SUZ12: variants seen among roughly 807,000 people sequenced by gnomAD.
SUZ12 encodes the protein SUZ12 polycomb repressive complex 2 subunit.
A neutral mutation model predicts 87.3 loss-of-function variants in SUZ12; 17 were observed. The observed-to-expected ratio is 0.19, with a 90% CI of 0.13 to 0.29. The LOEUF (loss-of-function observed/expected upper bound fraction) is 0.29. Ranked by LOEUF, SUZ12 falls within the 10% of genes least tolerant of loss-of-function variation. SUZ12 has a pLI of 1.00. For synonymous variants in SUZ12, 253 were observed against 312.4 expected (o/e 0.81, Z 2.01); for missense variants, 526 against 912.2 (o/e 0.58, Z 5.45).
intron 3 of SUZ12, among the ~76,000 whole-genome samples, chr17:31,942,372 G>A (rs1367967772): frequency 1.3e-5 from 2 of 149,262 alleles, no homozygotes; most frequent in Non-Finnish European, 3.0e-5. Flanking sequence ...TTTCACTCTT[G>A]TTGCCCAGGC....
chr17:31,988,756 C>T (rs1313110130), intron 10 of SUZ12, among the ~76,000 whole-genome samples: 2 of 151,786 alleles, frequency 1.3e-5, no homozygotes, highest in Non-Finnish European at 2.9e-5. Context: ...CCACACCTGG[C>T]TAATTTTTTG....
intron 4 of SUZ12, among the ~76,000 whole-genome samples, chr17:31,950,963 G>A (rs1906940933): frequency 6.6e-6 from 1 of 152,010 alleles, no homozygotes; most frequent in Non-Finnish European, 1.5e-5. Flanking sequence ...TGTATTTTTA[G>A]TAGAGACGGG....
intron 11 of SUZ12, 142 bp from the exon 12 acceptor site, chr17:31,993,723 C>G (rs1409801866): frequency 5.7e-6 from 5 of 884,738 alleles, no homozygotes; most frequent in Admixed American, 2.9e-5. Flanking sequence ...CCTCGCGTCA[C>G]TGGGCATATT....
At chr17:31,942,971 C>G (rs1209126584) in intron 3 of SUZ12, among the ~76,000 whole-genome samples, 1 of 152,174 alleles carries the variant, frequency 6.6e-6, no homozygotes, top group Non-Finnish European at 1.5e-5. Context: ...CTTTGGTGGA[C>G]TGCTACTGTT....
chr17:31,976,032 A>G (rs1171654996), intron 7 of SUZ12, among the ~76,000 whole-genome samples: 1 of 152,234 alleles, frequency 6.6e-6, no homozygotes, highest in Non-Finnish European at 1.5e-5. Context: ...TTCAACAAAC[A>G]CATAGGTGCT....
intron 4 of SUZ12, among the ~76,000 whole-genome samples, chr17:31,957,135 G>T (rs540244870): frequency 8.5e-5 from 13 of 152,176 alleles, no homozygotes; most frequent in African/African-American, 3.1e-4. Context: ...GGGCTGGAGT[G>T]CAGTGGCACG....
intron 8 of SUZ12, among the ~76,000 whole-genome samples, chr17:31,979,088 G>A (rs548666177): frequency 8.7e-4 from 114 of 130,994 alleles, no homozygotes; most frequent in Non-Finnish European, 1.5e-3. Context: ...CCTGGTGACA[G>A]CGAGACTGTG....
rs59793925 is a variant in SUZ12 at position 31,990,121 on chromosome 17, ATTTTTTT to A, written c.1201+1643_1201+1649del. ...AGGCGCCGGCCACCATGCCCGGCTA[ATTTTTTT>A]TTTTTTTTTTTTTTTTTTGGATTTT... On this transcript the variant is annotated intron_variant, in intron 10 of 15. Coordinates refer to ENST00000322652, the MANE Select transcript of SUZ12 (RefSeq NM_015355.4). Among the ~76,000 whole-genome samples the A allele has an allele frequency of 1.3e-3, 127 of 99,840 alleles. 1 individual carries two copies. Among genetic ancestry groups the A allele is most frequent in the African/African-American group, 4.0e-3 (87 of 21,648 alleles). 65.5% of individuals were successfully genotyped at this position (99,840 alleles called of 152,430 possible).
intron 13 of SUZ12, 70 bp downstream of exon 13, chr17:31,994,791 C>T (rs573556095): frequency 1.3e-6 from 2 of 1,517,220 alleles, no homozygotes; most frequent in Admixed American, 2.0e-5. Flanking sequence ...ACAAAGGAGC[C>T]AGATGAAGCT....
chr17:31,937,032 G>C lies in SUZ12; in HGVS notation c.-215G>C, dbSNP rs1203247898. On this transcript the variant is annotated 5_prime_UTR_variant, in exon 1 of 16. Coordinates refer to ENST00000322652, the MANE Select transcript of SUZ12 (RefSeq NM_015355.4). ...GGAGCGAGGCCAGGGTAGGGTGAGC[G>C]GCCTCCGAAGCGGAGCGGGGCTCTG... 4.7e-6 allele frequency: 2 copies of C among 422,238 alleles called. No individual in the cohort carries two copies. Among genetic ancestry groups the C allele is most frequent in the Non-Finnish European group, 8.1e-6 (2 of 246,070 alleles). 26.2% of individuals were successfully genotyped at this position (422,238 alleles called of 1,614,324 possible).
chr17:31,985,420 A>G (rs572341022), intron 9 of SUZ12, among the ~76,000 whole-genome samples: 4 of 151,452 alleles, frequency 2.6e-5, no homozygotes, highest in Non-Finnish European at 4.4e-5. Context: ...AAATTTTTAC[A>G]TAACTGTATA....
chr17:31,959,103 CCTTT>C (rs1452332328), intron 4 of SUZ12, among the ~76,000 whole-genome samples: 19 of 152,128 alleles, frequency 1.2e-4, no homozygotes, highest in African/African-American at 4.1e-4. Context: ...TGATGTTTTC[CCTTT>C]CTTTTTTTTA....
intron 5 of SUZ12, among the ~76,000 whole-genome samples, chr17:31,968,977 T>C (rs1260061521): frequency 2.6e-5 from 4 of 152,222 alleles, no homozygotes; most frequent in African/African-American, 4.8e-5. Flanking sequence ...GATAGTGAAC[T>C]CTGTTGATAT....
chr17:31,982,157 A>G (rs1219906989), intron 8 of SUZ12, among the ~76,000 whole-genome samples: 1 of 152,224 alleles, frequency 6.6e-6, no homozygotes, highest in Non-Finnish European at 1.5e-5. Flanking sequence ...TTCAATTAGT[A>G]TTCCATGAAG....
intron 10 of SUZ12, among the ~76,000 whole-genome samples, chr17:31,992,871 A>G (rs1044007453): frequency 7.3e-5 from 11 of 151,716 alleles, no homozygotes; most frequent in African/African-American, 2.7e-4. Flanking sequence ...CGCCCTGCTA[A>G]TTTTTTATAT....
intron 9 of SUZ12, among the ~76,000 whole-genome samples, chr17:31,986,818 G>A (rs1483709518): frequency 6.6e-6 from 1 of 152,210 alleles, no homozygotes; most frequent in Non-Finnish European, 1.5e-5. Context: ...CCAAAGTGCT[G>A]GGATTACAGG....
intron 10 of SUZ12, among the ~76,000 whole-genome samples, chr17:31,991,657 T>C (rs1055422585): frequency 1.3e-5 from 2 of 151,958 alleles, no homozygotes; most frequent in African/African-American, 4.8e-5. Context: ...CAGGCTGGAG[T>C]GCAGTGGCGA....
At chr17:31,959,295 A>G (rs1193809401) in intron 4 of SUZ12, among the ~76,000 whole-genome samples, 1 of 152,196 alleles carries the variant, frequency 6.6e-6, no homozygotes, top group Non-Finnish European at 1.5e-5. Context: ...TTGAATATTC[A>G]AGAACAAATT....
intron 8 of SUZ12, among the ~76,000 whole-genome samples, chr17:31,980,462 T>G (rs1482168744): frequency 2.7e-5 from 3 of 111,634 alleles, no homozygotes; most frequent in Non-Finnish European, 5.5e-5. Flanking sequence ...TTTTTTTTTT[T>G]TTTTGAGACG....
Sources: gnomAD v4.1 joint callset for allele counts (sites outside exome capture counted in the v4.1 genomes callset) on GRCh38, gnomAD v4.1.1 for gene constraint, MANE v1.5 for transcripts, NCBI Gene and HGNC (gene_info 2026-07-23, HGNC 2026-07-21) for gene names.